The following ZSCAN5B variants were observed in gnomAD, a reference collection of about 807,000 sequenced individuals.
The protein encoded by ZSCAN5B is zinc finger and SCAN domain containing 5B, also known as zinc finger and SCAN domain-containing protein 5B.
Under a neutral mutation model 25.2 loss-of-function variants are expected in ZSCAN5B, and 26 were observed. The observed-to-expected ratio is 1.03, with a 90% CI of 0.76 to 1.43. ZSCAN5B has a LOEUF of 1.43. Ranked by LOEUF, ZSCAN5B falls within the 40% of genes most tolerant of loss-of-function variation. The pLI is 0.00. For missense variants in ZSCAN5B, 745 were observed against 622.1 expected (o/e 1.20, Z -2.10); for synonymous variants, 244 against 240.9 (o/e 1.01, Z -0.12).
At position 56,197,788 on chromosome 19, in the gene ZSCAN5B, G is replaced by C. The variant is rs928490305; in HGVS notation, c.-182C>G. 38 of 985,116 alleles carry C rather than the reference G, an allele frequency of 3.9e-5. No homozygotes were observed. The highest frequency in any genetic ancestry group is 1.1e-4 in the East Asian group (1 of 8,810). 61.0% of individuals were successfully genotyped at this position (985,116 alleles called of 1,614,324 possible). On this transcript the variant is annotated 5_prime_UTR_variant, in exon 1 of 5. Coordinates refer to ENST00000586855, the Ensembl canonical transcript of ZSCAN5B. The stretch of plus-strand genomic sequence containing the variant: ...TCGGTCTGGGATGCGCTCTCCAACC[G>C]GCCTGGAGCTGAACTGCGTCTATTT...
intron 1 of ZSCAN5B, among the ~76,000 whole-genome samples, chr19:56,196,022 C>A (rs1349814381): frequency 6.6e-6 from 1 of 152,022 alleles, no homozygotes; most frequent in Non-Finnish European, 1.5e-5. Flanking sequence ...TATACCTGGC[C>A]TACTTAAAAT....
chr19:56,193,778 T>C (rs4801682), intron 1 of ZSCAN5B, among the ~76,000 whole-genome samples: 106,234 of 151,646 alleles, frequency 0.7, 37,370 homozygotes, highest in Middle Eastern at 0.81. Context: ...CTGGCTAACA[T>C]GGTGAAACCC....
exon 5 of ZSCAN5B, chr19:56,190,470 G>C (rs965310195): frequency 6.2e-7 from 1 of 1,613,974 alleles, no homozygotes; most frequent in African/African-American, 1.3e-5. Context: ...CCCGCTGTGA[G>C]TCAAAGCTTC....
chr19:56,192,677 T>C (rs1220466314), exon 2 of ZSCAN5B: 1 of 1,591,622 alleles, frequency 6.3e-7, no homozygotes, highest in African/African-American at 1.3e-5. Flanking sequence ...ACCCATTTCT[T>C]GGGTCTTCTG....
At chr19:56,194,296 T>G (rs1440093005) in intron 1 of ZSCAN5B, among the ~76,000 whole-genome samples, 1 of 150,192 alleles carries the variant, frequency 6.7e-6, no homozygotes, top group Non-Finnish European at 1.5e-5. Context: ...ATAGAGCGGT[T>G]TTTTCTTTTT....
At chr19:56,191,130 C>A in intron 3 of ZSCAN5B, 143 bp from the exon 4 acceptor site, 2 of 1,139,288 alleles carry the variant, frequency 1.8e-6, no homozygotes, top group Non-Finnish European at 1.3e-6. Flanking sequence ...CTCATTTCTG[C>A]GTCTGTCCCT....
chr19:56,189,823 G>T, exon 5 of ZSCAN5B: 1 of 1,601,772 alleles, frequency 6.2e-7, no homozygotes, highest in African/African-American at 1.3e-5. Flanking sequence ...ACCTGACTCT[G>T]GAATCACTGG....
exon 5 of ZSCAN5B, chr19:56,190,380 T>A: frequency 6.2e-7 from 1 of 1,614,154 alleles, no homozygotes; most frequent in Non-Finnish European, 8.5e-7. Context: ...GGCTTCTCCT[T>A]GAGGCTCTTC....
At position 56,193,690 on chromosome 19, in the gene ZSCAN5B, C is replaced by A. The variant is rs144506599; in HGVS notation, c.-127-511G>T. Among the ~76,000 whole-genome samples the A allele has an allele frequency of 7.2e-5, 11 of 152,288 alleles. No individual in the cohort carries two copies. The East Asian group carries it at 2.1e-3, about 29-fold the overall frequency. On this transcript the variant is annotated intron_variant, in intron 1 of 4. Coordinates refer to ENST00000586855, the Ensembl canonical transcript of ZSCAN5B. ...AAAAAATCCTATGAGAGGCCGGGCGCGGTGGCCCAGGCCTGTAATCCCAGC... is the reference window on the plus strand; with the variant it reads ...AAAAAATCCTATGAGAGGCCGGGCGAGGTGGCCCAGGCCTGTAATCCCAGC...
chr19:56,192,802 A>C, exon 2 of ZSCAN5B: 1 of 1,612,476 alleles, frequency 6.2e-7, no homozygotes, highest in East Asian at 2.2e-5. Flanking sequence ...CAGCATGTCC[A>C]GGATCTGCTC....
intron 1 of ZSCAN5B, among the ~76,000 whole-genome samples, chr19:56,195,434 C>T (rs2032797981): frequency 6.6e-6 from 1 of 151,930 alleles, no homozygotes; most frequent in Non-Finnish European, 1.5e-5. Context: ...AACCACAAGG[C>T]ACCCCTCACG....
In ZSCAN5B at chr19:56,192,649, A is replaced by G. The variant is rs10414235; in HGVS notation, c.384+20T>C. On this transcript the variant is annotated intron_variant, in intron 2 of 4. Coordinates refer to ENST00000586855, the Ensembl canonical transcript of ZSCAN5B. ...ATCCCAGCTCCCCTTCCCTGCACCA[A>G]TCACGAGGTTCCCACTCACCCATTT... is the stretch of plus-strand genomic sequence containing the variant. 3,603 of 1,588,932 alleles carry G rather than the reference A, an allele frequency of 2.3e-3. 66 individuals are homozygous for G. In the African/African-American group the frequency reaches 0.041, roughly 18 times the overall value.
intron 1 of ZSCAN5B, among the ~76,000 whole-genome samples, chr19:56,194,610 A>T (rs899711172): frequency 3.9e-5 from 6 of 152,016 alleles, no homozygotes; most frequent in South Asian, 2.1e-4. Context: ...TTTTTAAAAA[A>T]TTTTATTTTT....
Position 56,191,984 on chromosome 19 carries a change from C to T in ZSCAN5B, c.454G>A (p.Ala152Thr), listed in dbSNP as rs201505305. Residue 152 changes from alanine to threonine, a missense_variant, in exon 3 of 5, where the codon GCC becomes ACC. By Grantham distance (58) the Ala-to-Thr change is moderately conservative. Transcript: ENST00000586855. The stretch of plus-strand genomic sequence containing the variant: ...TCTCTCGGATCATCTCTGACACTGG[C>T]GGGGGCTTCAGCCATCTCGACATCT... 3.6e-5 allele frequency: 58 copies of T among 1,613,982 alleles called. No homozygotes were observed. In the East Asian group the frequency reaches 1.1e-3, roughly 31 times the overall value.
At chr19:56,197,742 C>T (rs72490748) in exon 1 of ZSCAN5B, 2 of 985,382 alleles carry the variant, frequency 2.0e-6, no homozygotes, top group Non-Finnish European at 2.4e-6. Context: ...ACCTCCTTCC[C>T]GGCTTCTGCC....
chr19:56,192,591 TG>T, intron 2 of ZSCAN5B, 77 bp downstream of exon 2: 1 of 1,532,894 alleles, frequency 6.5e-7, no homozygotes, highest in African/African-American at 1.4e-5. Flanking sequence ...TTAGCTGTGC[TG>T]ATATTTGAGA....
intron 2 of ZSCAN5B, 136 bp from the exon 3 acceptor site, chr19:56,192,189 G>A: frequency 3.5e-6 from 3 of 849,148 alleles, no homozygotes; most frequent in Non-Finnish European, 5.4e-6. Context: ...AATCAGCTCT[G>A]TGGACACAGC....
At position 56,191,789 on chromosome 19, in the gene ZSCAN5B, C is replaced by T. The variant is rs527490704; in HGVS notation, c.588+61G>A. 1.3e-4 allele frequency: 208 copies of T among 1,562,116 alleles called. 4 individuals are homozygous for T. The South Asian group carries it at 1.4e-3, about 11-fold the overall frequency. On this transcript the variant is annotated intron_variant, in intron 3 of 4. Coordinates refer to ENST00000586855, the Ensembl canonical transcript of ZSCAN5B. ...AATCTCTCAATCAGTTCTGCAGCCA[C>T]ACGATTTCCTCCTGTTCCTTCTCCC...
At chr19:56,197,625 CAA>C in intron 1 of ZSCAN5B, 107 bp downstream of exon 1, 2 of 581,946 alleles carry the variant, frequency 3.4e-6, no homozygotes, top group Middle Eastern at 9.0e-4. Flanking sequence ...GCTGCCTTCA[CAA>C]AGTCTCCGAG....
Sources: allele counts gnomAD v4.1 joint callset (sites outside exome capture counted in the v4.1 genomes callset), GRCh38; gene constraint gnomAD v4.1.1; transcripts MANE v1.5; gene names NCBI Gene and HGNC (gene_info 2026-07-23, HGNC 2026-07-21).